ANKS1A: variants seen among roughly 807,000 people sequenced by gnomAD.
The protein encoded by ANKS1A is ankyrin repeat and sterile alpha motif domain containing 1A.
A neutral mutation model predicts 120.3 loss-of-function variants in ANKS1A; 55 were observed. The observed-to-expected ratio is 0.46, with a 90% CI of 0.37 to 0.57. ANKS1A has a LOEUF of 0.57. Among genes scored for constraint, ANKS1A ranks in the 20% least tolerant of loss-of-function variants. The pLI, the probability that ANKS1A is intolerant of heterozygous loss-of-function variation, is 0.00. For synonymous variants in ANKS1A, 590 were observed against 604.7 expected (o/e 0.98, Z 0.36); for missense variants, 1,123 against 1,480.3 (o/e 0.76, Z 3.96).
intron 12 of ANKS1A, among the ~76,000 whole-genome samples, chr6:35,056,784 G>A (rs142789568): frequency 1.4e-3 from 210 of 152,222 alleles, no homozygotes; most frequent in African/African-American, 4.1e-3. Flanking sequence ...TCATCCACCC[G>A]GGCTGCAGAG....
intron 11 of ANKS1A, among the ~76,000 whole-genome samples, chr6:35,020,789 G>C (rs1774295431): frequency 6.6e-6 from 1 of 152,168 alleles, no homozygotes; most frequent in Admixed American, 6.5e-5. Flanking sequence ...TTCATTTGCT[G>C]ATATCACCTG....
chr6:34,990,409 C>G (rs1180802448), intron 9 of ANKS1A, among the ~76,000 whole-genome samples: 1 of 151,642 alleles, frequency 6.6e-6, no homozygotes, highest in Non-Finnish European at 1.5e-5. Flanking sequence ...TGGATAATAA[C>G]ACATTTCTAG....
chr6:35,029,627 G>C (rs1340135515), intron 11 of ANKS1A, among the ~76,000 whole-genome samples: 4 of 151,586 alleles, frequency 2.6e-5, no homozygotes, highest in Non-Finnish European at 5.9e-5. Context: ...TGGGATTACA[G>C]GCGTGAGCCA....
chr6:35,003,404 T>C (rs772862859), intron 10 of ANKS1A, among the ~76,000 whole-genome samples: 2 of 152,150 alleles, frequency 1.3e-5, no homozygotes, highest in Non-Finnish European at 2.9e-5. Context: ...TGCTAGCAGC[T>C]GAAAGAGAGG....
intron 1 of ANKS1A, among the ~76,000 whole-genome samples, chr6:34,898,774 G>T (rs1236686458): frequency 6.6e-6 from 1 of 151,198 alleles, no homozygotes; most frequent in Non-Finnish European, 1.5e-5. Flanking sequence ...TTTGTCTCAT[G>T]TTTTCACGAA....
chr6:34,921,409 A>G (rs1445715169), intron 1 of ANKS1A, among the ~76,000 whole-genome samples: 1 of 152,246 alleles, frequency 6.6e-6, no homozygotes, highest in Admixed American at 6.5e-5. Context: ...CCTTTAGATT[A>G]GTAGGATAAG....
chr6:34,978,187 A>T (rs771164151), intron 3 of ANKS1A, among the ~76,000 whole-genome samples: 5 of 152,038 alleles, frequency 3.3e-5, no homozygotes, highest in Non-Finnish European at 7.4e-5. Context: ...CTATCTCCTG[A>T]CCTCATGATC....
intron 11 of ANKS1A, among the ~76,000 whole-genome samples, chr6:35,025,877 C>G (rs1774600477): frequency 6.6e-6 from 1 of 152,088 alleles, no homozygotes; most frequent in African/African-American, 2.4e-5. Flanking sequence ...GCCACCACAC[C>G]CACCGCCAGC....
chr6:34,994,397 G>T lies in ANKS1A; in HGVS notation c.1398G>T (p.Val466=). ...ELLLTAETKK[V]VLVDGKTKDH... ...TGTTAACAGCAGAGACAAAGAAAGT[G>T]GTGTTGGTGGATGGAAAAACAAAAG... Residue 466 remains valine (V), a synonymous_variant, in exon 10 of 24, where the codon GTG becomes GTT. Coordinates refer to ENST00000360359, the MANE Select transcript of ANKS1A (RefSeq NM_015245.3). 1 of 1,612,972 alleles carries T rather than the reference G, an allele frequency of 6.2e-7. No homozygotes were observed. The highest frequency in any genetic ancestry group is 8.5e-7 in the Non-Finnish European group (1 of 1,179,206).
chr6:35,090,768 TG>T lies in ANKS1A; in HGVS notation c.*2160del. On this transcript the variant is annotated 3_prime_UTR_variant, in exon 24 of 24. Coordinates refer to ENST00000360359, the MANE Select transcript of ANKS1A (RefSeq NM_015245.3). ...TGCAGGTCACACCAGGGGCAGACCC[TG>T]TCGCTGCGTTTCTGAACTGTGAAGG... 3.0e-6 allele frequency: 3 copies of T among 986,230 alleles called. No homozygotes were observed. The highest frequency in any genetic ancestry group is 3.6e-6 in the Non-Finnish European group (3 of 830,542). The allele number at this position is 986,230 out of a possible 1,614,324, so 61.1% of individuals were successfully genotyped here.
chr6:34,912,205 A>C (rs968859787), intron 1 of ANKS1A, among the ~76,000 whole-genome samples: 1 of 152,214 alleles, frequency 6.6e-6, no homozygotes, highest in African/African-American at 2.4e-5. Context: ...AACTATAATT[A>C]GTTATAATTT....
intron 3 of ANKS1A, among the ~76,000 whole-genome samples, chr6:34,972,094 C>T (rs1771213011): frequency 2.0e-5 from 3 of 152,218 alleles, no homozygotes; most frequent in Admixed American, 6.5e-5. Flanking sequence ...AAGTCCTTCT[C>T]ATTTAAGAAA....
intron 13 of ANKS1A, among the ~76,000 whole-genome samples, chr6:35,076,632 T>C (rs1431961000): frequency 6.6e-6 from 1 of 151,932 alleles, no homozygotes; most frequent in Non-Finnish European, 1.5e-5. Flanking sequence ...TTTTGTTTGG[T>C]TTTGTTTTGT....
intron 13 of ANKS1A, among the ~76,000 whole-genome samples, chr6:35,065,284 C>G (rs543324228): frequency 1.3e-5 from 2 of 152,292 alleles, no homozygotes; most frequent in Admixed American, 6.5e-5. Context: ...GAGCCCTCCT[C>G]TGACTGCCCC....
In ANKS1A at chr6:34,970,179, G is replaced by A. The variant is rs370418598; in HGVS notation, c.435+13G>A. On this transcript the variant is annotated intron_variant, in intron 3 of 23. Coordinates refer to ENST00000360359, the MANE Select transcript of ANKS1A (RefSeq NM_015245.3). ...AGTCAATGAACAGGTCGGAAGGAAG[G>A]GAGGCTTTCCTTCCTCCATTCAGCT... The A allele has an allele frequency of 8.7e-6, 14 of 1,605,466 alleles. No homozygotes were observed. Among genetic ancestry groups the A allele is most frequent in the Non-Finnish European group, 1.2e-5 (14 of 1,175,726 alleles).
chr6:35,048,944 C>T (rs1379195591), intron 11 of ANKS1A, among the ~76,000 whole-genome samples: 4 of 152,222 alleles, frequency 2.6e-5, no homozygotes, highest in African/African-American at 7.2e-5. Context: ...ACTTTGCCCC[C>T]GTGCAGCAGG....
chr6:34,915,397 G>A (rs1452122458), intron 1 of ANKS1A, among the ~76,000 whole-genome samples: 3 of 152,152 alleles, frequency 2.0e-5, no homozygotes, highest in African/African-American at 7.2e-5. Context: ...TAGGTTTTTT[G>A]TTGTTGTTTT....
intron 1 of ANKS1A, among the ~76,000 whole-genome samples, chr6:34,912,704 G>A (rs1254677914): frequency 6.6e-6 from 1 of 152,196 alleles, no homozygotes; most frequent in Non-Finnish European, 1.5e-5. Context: ...TTAGAAAAAG[G>A]GGTGCACTAG....
rs139155725 is a variant in ANKS1A at position 34,962,981 on chromosome 6, C to A, written c.198-4258C>A. ...GGTTCAAGCAGTTCTCCTGCCTCAG[C>A]CTCCCGAGTAGCTGGGATTACAGGC... On this transcript the variant is annotated intron_variant, in intron 1 of 23. Transcript: ENST00000360359. 7.2e-3 allele frequency among the ~76,000 whole-genome samples: 1,097 copies of A among 151,544 alleles called. 20 individuals are homozygous for A. The highest frequency in any genetic ancestry group is 0.025 in the African/African-American group (1,044 of 41,340).
Sources: allele counts gnomAD v4.1 joint callset (sites outside exome capture counted in the v4.1 genomes callset), GRCh38; gene constraint gnomAD v4.1.1; transcripts MANE v1.5; gene names NCBI Gene and HGNC (gene_info 2026-07-23, HGNC 2026-07-21).